PLEKHB2: variants seen among roughly 807,000 people sequenced by gnomAD.
PLEKHB2 encodes pleckstrin homology domain-containing family B member 2.
PLEKHB2 carries 31 observed loss-of-function variants against 36.5 expected under a neutral mutation model. The ratio of observed to expected loss-of-function variants is 0.85; its 90% CI spans 0.64 to 1.15. The LOEUF (loss-of-function observed/expected upper bound fraction) is 1.15, where lower values mean the gene tolerates loss of function less well. Ranked by LOEUF, PLEKHB2 falls within the 50% of genes most tolerant of loss-of-function variation. The probability of loss-of-function intolerance (pLI) is 0.00; values close to 1 mark genes in which losing one functional copy is unlikely to be tolerated. For synonymous variants in PLEKHB2, 119 were observed against 112.0 expected (o/e 1.06, Z -0.39); for missense variants, 262 against 295.3 (o/e 0.89, Z 0.83).
At chr2:131,121,949 G>T (rs1559067459) in intron 2 of PLEKHB2, among the ~76,000 whole-genome samples, 1 of 151,874 alleles carries the variant, frequency 6.6e-6, no homozygotes, top group Non-Finnish European at 1.5e-5. Context: ...TTTTGCTCTT[G>T]TTGCCCAGGC....
rs766407524 is a variant in PLEKHB2, at chr2:131,146,697, A to G, written c.593A>G (p.Asp198Gly). ...VIIRERYRDNDSDLALGMLAG... is the reference protein window; with the variant it reads ...VIIRERYRDNGSDLALGMLAG... ...ATTCGAGAGCGCTATCGAGACAACG[A>G]CAGCGACCTGGCACTGGGCATGCTG... Residue 198 changes from aspartate (D) to glycine (G), a missense_variant, in exon 8 of 8, where the codon GAC becomes GGC. Coordinates refer to ENST00000693505, the MANE Select transcript of PLEKHB2 (RefSeq NM_001100623.2). The G allele has an allele frequency of 2.5e-6, 4 of 1,614,072 alleles. No homozygotes were observed. The East Asian group carries it at 6.7e-5, about 27-fold the overall frequency.
intron 1 of PLEKHB2, among the ~76,000 whole-genome samples, chr2:131,113,117 C>T (rs998711829): frequency 1.3e-5 from 2 of 151,182 alleles, no homozygotes; most frequent in Non-Finnish European, 2.9e-5. Flanking sequence ...CCGGGTCTCA[C>T]TCCTGCCCAG....
intron 6 of PLEKHB2, among the ~76,000 whole-genome samples, chr2:131,134,747 A>G (rs922156269): frequency 6.6e-6 from 1 of 152,236 alleles, no homozygotes; most frequent in African/African-American, 2.4e-5. Context: ...GTTTATATCT[A>G]CAATGAAATC....
chr2:131,124,062 C>T (rs113916553), intron 2 of PLEKHB2, among the ~76,000 whole-genome samples: 2 of 152,076 alleles, frequency 1.3e-5, no homozygotes, highest in Non-Finnish European at 2.9e-5. Context: ...CCAGGCTGGT[C>T]TCAAACTCCT....
At chr2:131,129,123 G>A (rs1253012186) in intron 4 of PLEKHB2, among the ~76,000 whole-genome samples, 2 of 152,260 alleles carry the variant, frequency 1.3e-5, no homozygotes, top group African/African-American at 2.4e-5. Context: ...TCAGGAGTTC[G>A]AGACCAGCCT....
chr2:131,131,522 G>A (rs1023115846), intron 5 of PLEKHB2, among the ~76,000 whole-genome samples: 1 of 152,196 alleles, frequency 6.6e-6, no homozygotes, highest in African/African-American at 2.4e-5. Flanking sequence ...GATCAAGGGA[G>A]TGTGTTACTC....
In PLEKHB2 at chr2:131,147,331, G is replaced by A. The variant is rs1266272775; in HGVS notation, c.*558G>A. The A allele has an allele frequency of 1.3e-5, 2 of 152,334 alleles. No homozygotes were observed. Among genetic ancestry groups the A allele is most frequent in the Non-Finnish European group, 2.9e-5 (2 of 68,122 alleles). 9.4% of individuals were successfully genotyped at this position (152,334 alleles called of 1,614,324 possible). A position where few individuals can be genotyped will look rare whatever the true frequency, so the allele number is the denominator to read the frequency against. On this transcript the variant is annotated 3_prime_UTR_variant, in exon 8 of 8. Transcript: ENST00000693505. ...GCCCCTGGCAAGGCCGATGGCTCAGGATGATGGGGCACAGCCCGCCTTTGA... is the reference window on the plus strand; with the variant it reads ...GCCCCTGGCAAGGCCGATGGCTCAGAATGATGGGGCACAGCCCGCCTTTGA...
intron 6 of PLEKHB2, among the ~76,000 whole-genome samples, chr2:131,136,926 TC>T (rs1398373291): frequency 2.6e-5 from 4 of 151,406 alleles, no homozygotes; most frequent in Non-Finnish European, 5.9e-5. Context: ...ACATCTTTTT[TC>T]TTTTTTTCTT....
In PLEKHB2 at chr2:131,131,753, TC is replaced by T. The variant is rs148661304; in HGVS notation, c.333+998del. On this transcript the variant is annotated intron_variant, in intron 5 of 7. Coordinates refer to ENST00000693505, the MANE Select transcript of PLEKHB2 (RefSeq NM_001100623.2). ...CGCAGTTACCTTTTCTTCATGAAAATCCCCCTTTTTTTTTTTTTTTTTGGGT... is the reference window on the plus strand; with the variant it reads ...CGCAGTTACCTTTTCTTCATGAAAATCCCCTTTTTTTTTTTTTTTTTGGGT... Among the ~76,000 whole-genome samples, 844 of 140,346 alleles carry T rather than the reference TC, an allele frequency of 6.0e-3. 5 individuals carry two copies. Among genetic ancestry groups the T allele is most frequent in the Middle Eastern group, 0.026 (7 of 268 alleles). The allele number at this position is 140,346 out of a possible 152,430, so 92.1% of individuals were successfully genotyped here.
intron 6 of PLEKHB2, among the ~76,000 whole-genome samples, chr2:131,133,200 C>CA (rs1485342370): frequency 3.9e-5 from 6 of 152,268 alleles, no homozygotes; most frequent in Admixed American, 2.6e-4. Context: ...TAATGTGTAA[C>CA]ACGTTTTTAA....
At chr2:131,139,739 T>C (rs1698598566) in intron 6 of PLEKHB2, among the ~76,000 whole-genome samples, 1 of 152,198 alleles carries the variant, frequency 6.6e-6, no homozygotes, top group Admixed American at 6.5e-5. Context: ...AATTGCTGAA[T>C]TTGGGCCAGA....
intron 1 of PLEKHB2, among the ~76,000 whole-genome samples, chr2:131,109,646 C>T (rs748341477): frequency 9.9e-5 from 15 of 152,028 alleles, no homozygotes; most frequent in Non-Finnish European, 2.1e-4. Flanking sequence ...GCCAAGATCG[C>T]GCCACTATAC....
intron 6 of PLEKHB2, among the ~76,000 whole-genome samples, chr2:131,136,200 C>T (rs181129456): frequency 3.5e-5 from 5 of 141,698 alleles, no homozygotes; most frequent in East Asian, 2.0e-4. Flanking sequence ...TTCCCCCGCC[C>T]GTCCCCTCTC....
Position 131,125,748 on chromosome 2 carries a change from TCCAGGTACTA to T in PLEKHB2, c.38-4_43del. ...AAAAACAACCGTACTATTTTTTTTT[TCCAGGTACTA>T]TTTTGAAGCGCTGGAAGAAGAACTG... On this transcript the variant is annotated splice_acceptor_variant and splice_polypyrimidine_tract_variant and coding_sequence_variant and intron_variant, in exon 3 of 8. Transcript: ENST00000693505. LOFTEE classifies it high-confidence loss of function. The T allele has an allele frequency of 1.3e-6, 2 of 1,586,544 alleles. No individual in the cohort carries two copies.
In PLEKHB2 at chr2:131,125,853, G is replaced by C; in HGVS notation, c.138G>C (p.Lys46Asn). The change falls in exon 3 of 8, where the codon AAG becomes AAC. Residue 46 changes from lysine (K) to asparagine (N), a missense_variant. Lys to Asn is a moderately conservative substitution (Grantham distance 94). Transcript: ENST00000693505. ...DDQTRQNIED[K>N]VHMPMDCINI... ...AGACTCGGCAGAATATCGAGGATAA[G>C]GTCCACATGCCAATGGACTGCATCA... 1 of 1,613,768 alleles carries C rather than the reference G, an allele frequency of 6.2e-7. No individual in the cohort carries two copies. The highest frequency in any genetic ancestry group is 8.5e-7 in the Non-Finnish European group (1 of 1,179,858).
chr2:131,145,781 AT>A (rs1699225687), intron 7 of PLEKHB2, among the ~76,000 whole-genome samples: 1 of 152,158 alleles, frequency 6.6e-6, no homozygotes, highest in Admixed American at 6.5e-5. Context: ...CCAGTTGTAA[AT>A]TTTAATCTTG....
intron 2 of PLEKHB2, among the ~76,000 whole-genome samples, chr2:131,122,146 C>T (rs147204858): frequency 0.017 from 2,637 of 152,214 alleles, 43 homozygotes; most frequent in African/African-American, 0.045. Context: ...CTGCCCGCCT[C>T]GGCCTCCCAA....
chr2:131,129,702 C>T (rs2104892266), intron 4 of PLEKHB2, among the ~76,000 whole-genome samples: 1 of 48,404 alleles, frequency 2.1e-5, no homozygotes, highest in African/African-American at 3.3e-5. Context: ...CTTGGTTTTA[C>T]CATGTTGGCC....
At chr2:131,141,460 A>C (rs976630671) in intron 7 of PLEKHB2, among the ~76,000 whole-genome samples, 3 of 151,984 alleles carry the variant, frequency 2.0e-5, no homozygotes, top group African/African-American at 7.2e-5. Flanking sequence ...TAACACAGTG[A>C]AACCCCATCT....
Sources: gnomAD v4.1 joint callset for allele counts (sites outside exome capture counted in the v4.1 genomes callset) on GRCh38, gnomAD v4.1.1 for gene constraint, MANE v1.5 for transcripts, NCBI Gene and HGNC (gene_info 2026-07-23, HGNC 2026-07-21) for gene names.